The following JAK1 variants were observed in gnomAD, a reference collection of about 807,000 sequenced individuals.
JAK1 encodes the protein Janus kinase 1, also known as tyrosine-protein kinase JAK1.
A neutral mutation model predicts 136.6 loss-of-function variants in JAK1; 16 were observed. The ratio of observed to expected loss-of-function variants is 0.12; its 90% CI spans 0.08 to 0.18. JAK1 has a LOEUF of 0.18. Among genes scored for constraint, JAK1 ranks in the 10% least tolerant of loss-of-function variants. The pLI, the probability that JAK1 is intolerant of heterozygous loss-of-function variation, is 1.00. For synonymous variants in JAK1, 492 were observed against 519.5 expected (o/e 0.95, Z 0.72); for missense variants, 859 against 1,450.1 (o/e 0.59, Z 6.62).
In JAK1 at chr1:64,899,408, G is replaced by T. The variant is rs1160758193; in HGVS notation, c.-77-13067C>A. ...AATTACTGTCACCTATAAACTATGGGTGACAACTCTAAAAATCATTTAGAC... is the reference window on the plus strand; with the variant it reads ...AATTACTGTCACCTATAAACTATGGTTGACAACTCTAAAAATCATTTAGAC... On this transcript the variant is annotated intron_variant, in intron 1 of 24. Transcript: ENST00000342505. Among the ~76,000 whole-genome samples, 4 of 152,118 alleles carry T rather than the reference G, an allele frequency of 2.6e-5. No homozygotes were observed. In the East Asian group the frequency reaches 5.8e-4, roughly 22 times the overall value.
chr1:64,863,258 A>T (rs111682401), intron 8 of JAK1, among the ~76,000 whole-genome samples: 278 of 70,854 alleles, frequency 3.9e-3, no homozygotes, highest in East Asian at 0.027. Flanking sequence ...CGGGGCCTAA[A>T]ATCCAGGATG....
At chr1:65,024,557 A>C (rs1373563503) in intron 2 of JAK1, among the ~76,000 whole-genome samples, 1 of 151,022 alleles carries the variant, frequency 6.6e-6, no homozygotes, top group Admixed American at 6.6e-5. Context: ...GTAACAGAAA[A>C]CCCAACCTAC....
rs35258864 is a variant in JAK1, at chr1:64,986,109, G to GTTT, written c.-78+58368_-78+58370dup. The GTTT allele has an allele frequency of 6.3e-3, 3,491 of 552,048 alleles. 5 individuals are homozygous for GTTT. Among genetic ancestry groups the GTTT allele is most frequent in the African/African-American group, 0.014 (648 of 47,078 alleles). The allele number at this position is 552,048 out of a possible 1,614,324, so 34.2% of individuals were successfully genotyped here. On this transcript the variant is annotated intron_variant, in intron 2 of 25. Transcript: ENST00000671954. ...TGTCCCCCATGGCCTCAATCTAATT[G>GTTT]TTTTTTTTTTTTTTGGACAGAGTTT...
At chr1:64,878,658 G>A (rs762955024) in intron 4 of JAK1, among the ~76,000 whole-genome samples, 10 of 136,832 alleles carry the variant, frequency 7.3e-5, no homozygotes, top group South Asian at 2.3e-4. Flanking sequence ...TGATAGTATC[G>A]TCTCCTGTTT....
chr1:65,066,305 T>C (rs1330986675), intron 1 of JAK1, among the ~76,000 whole-genome samples: 1 of 152,052 alleles, frequency 6.6e-6, no homozygotes, highest in African/African-American at 2.4e-5. Context: ...AAAACCGACC[T>C]GGACCAGCAC....
chr1:65,042,705 T>C (rs1569934043), intron 2 of JAK1, among the ~76,000 whole-genome samples: 2 of 152,300 alleles, frequency 1.3e-5, no homozygotes, highest in African/African-American at 2.4e-5. Context: ...GGACTTTTCA[T>C]TTTTTACTAT....
intron 2 of JAK1, among the ~76,000 whole-genome samples, chr1:65,023,964 G>C (rs1646957709): frequency 7.7e-6 from 1 of 129,674 alleles, no homozygotes; most frequent in Non-Finnish European, 1.6e-5. Context: ...TTTTATTGCT[G>C]AGTAGTATTC....
At chr1:64,913,800 G>A (rs1351756376) in intron 1 of JAK1, among the ~76,000 whole-genome samples, 13 of 151,968 alleles carry the variant, frequency 8.6e-5, no homozygotes, top group South Asian at 2.1e-4. Context: ...TGGATCAGAC[G>A]AGGTTTCACA....
At chr1:64,939,645 T>C (rs1286888745) in intron 1 of JAK1, among the ~76,000 whole-genome samples, 2 of 152,332 alleles carry the variant, frequency 1.3e-5, no homozygotes, top group Admixed American at 6.5e-5. Flanking sequence ...GCTGGGCACA[T>C]AGTAGATACA....
intron 3 of JAK1, among the ~76,000 whole-genome samples, chr1:64,881,744 C>T (rs1455307940): frequency 6.6e-6 from 1 of 152,194 alleles, no homozygotes; most frequent in Non-Finnish European, 1.5e-5. Context: ...CATCCTCAGA[C>T]TCACAGGCTC....
chr1:64,866,845 C>A (rs1460964582), intron 7 of JAK1, 21 bp downstream of exon 7: 5 of 1,558,544 alleles, frequency 3.2e-6, no homozygotes, highest in South Asian at 1.2e-5. Context: ...TCTCTTTGAT[C>A]GACTGCCAAC....
At chr1:64,857,594 A>C in intron 10 of JAK1, 62 bp downstream of exon 10, 2 of 1,596,634 alleles carry the variant, frequency 1.3e-6, no homozygotes, top group Non-Finnish European at 1.7e-6. Flanking sequence ...CAGCTCCTGA[A>C]CCAGGCTACA....
chr1:64,963,931 C>A lies in JAK1; in HGVS notation c.-78+2402G>T, dbSNP rs557825077. On this transcript the variant is annotated intron_variant, in intron 1 of 24. Transcript: ENST00000342505. ...AACCACTAGATGCCTACCAGTAGCACCGCTCCCTTCCCCCAAGTTGTAACA... is the reference window on the plus strand; with the variant it reads ...AACCACTAGATGCCTACCAGTAGCAACGCTCCCTTCCCCCAAGTTGTAACA... Among the ~76,000 whole-genome samples the A allele has an allele frequency of 9.2e-5, 14 of 152,252 alleles. No individual in the cohort carries two copies. The South Asian group carries it at 1.7e-3, about 18-fold the overall frequency.
In JAK1 at chr1:64,919,566, G is replaced by C. The variant is rs1224503221; in HGVS notation, c.-77-33225C>G. Among the ~76,000 whole-genome samples the C allele has an allele frequency of 3.3e-5, 5 of 152,206 alleles. No homozygotes were observed. In the East Asian group the frequency reaches 7.7e-4, roughly 23 times the overall value. On this transcript the variant is annotated intron_variant, in intron 1 of 24. Transcript: ENST00000342505. ...ATGGCTGGGTCAAATGATATTTCTA[G>C]TTCTAGATCCCTGAGGAATCGCCAC...
chr1:64,887,954 G>A (rs1001319232), intron 1 of JAK1, among the ~76,000 whole-genome samples: 1 of 152,144 alleles, frequency 6.6e-6, no homozygotes, highest in Admixed American at 6.5e-5. Context: ...TGCATGTCTG[G>A]AGCCTGTCTA....
At chr1:64,840,828 C>G (rs1432365723) in intron 19 of JAK1, among the ~76,000 whole-genome samples, 4 of 152,050 alleles carry the variant, frequency 2.6e-5, no homozygotes, top group Non-Finnish European at 2.9e-5. Context: ...GAGACCCTGT[C>G]TCTCGGGGGC....
intron 2 of JAK1, among the ~76,000 whole-genome samples, chr1:64,975,815 C>A (rs1646493476): frequency 6.6e-6 from 1 of 152,190 alleles, no homozygotes; most frequent in Non-Finnish European, 1.5e-5. Context: ...TTCCACACAT[C>A]TTCCTCCCTA....
At chr1:64,837,793 A>T in intron 22 of JAK1, 139 bp downstream of exon 22, 1 of 602,264 alleles carries the variant, frequency 1.7e-6, no homozygotes, top group East Asian at 2.9e-5. Flanking sequence ...AATATCAATC[A>T]ATTCCAAATG....
rs985962977 is a variant in JAK1, at chr1:64,833,594, G to T, written c.*968C>A. Reference sequence around the variant, plus strand: ...GGTCTTTCAAGTGTTGCACCACAGGGTGATGATTGATGGTAAAAACAGGGA... The same window carrying T: ...GGTCTTTCAAGTGTTGCACCACAGGTTGATGATTGATGGTAAAAACAGGGA... On this transcript the variant is annotated 3_prime_UTR_variant, in exon 25 of 25. Transcript: ENST00000342505. 2.1e-5 allele frequency: 5 copies of T among 232,894 alleles called. No homozygotes were observed. In the East Asian group the frequency reaches 3.0e-4, roughly 14 times the overall value. 14.4% of individuals were successfully genotyped at this position (232,894 alleles called of 1,614,324 possible).
Sources: gnomAD v4.1 joint callset for allele counts (sites outside exome capture counted in the v4.1 genomes callset) on GRCh38, gnomAD v4.1.1 for gene constraint, MANE v1.5 for transcripts, NCBI Gene and HGNC (gene_info 2026-07-23, HGNC 2026-07-21) for gene names.